WNK1: variants seen among roughly 807,000 people sequenced by gnomAD.
The protein encoded by WNK1 is serine/threonine-protein kinase WNK1.
In WNK1, 38 loss-of-function variants were observed where a neutral mutation model predicts 222.8. The observed-to-expected ratio is 0.17, with a 90% CI of 0.13 to 0.22. The LOEUF is 0.22. Among genes scored for constraint, WNK1 ranks in the 10% least tolerant of loss-of-function variants. The probability of loss-of-function intolerance (pLI) is 1.00; values close to 1 mark genes in which losing one functional copy is unlikely to be tolerated. For synonymous variants in WNK1, 1,090 were observed against 1,092.9 expected (o/e 1.00, Z 0.05); for missense variants, 2,348 against 2,918.4 (o/e 0.80, Z 4.50).
intron 8 of WNK1, 82 bp downstream of exon 8, chr12:862,352 A>C (rs1951283477): frequency 7.0e-7 from 1 of 1,426,034 alleles, no homozygotes; most frequent in African/African-American, 1.4e-5. Flanking sequence ...TGTACAAACC[A>C]AGTAACAGTA....
At chr12:786,851 C>T (rs1243285982) in intron 1 of WNK1, among the ~76,000 whole-genome samples, 1 of 151,836 alleles carries the variant, frequency 6.6e-6, no homozygotes, top group African/African-American at 2.4e-5. Flanking sequence ...AAGCCTGTTC[C>T]ACAGGTTTTT....
chr12:868,262 C>T (rs1285963153), intron 8 of WNK1: 1 of 1,600,930 alleles, frequency 6.2e-7, no homozygotes, highest in South Asian at 1.1e-5. Context: ...CTATTTTATT[C>T]CTCAGGAAGC....
intron 1 of WNK1, among the ~76,000 whole-genome samples, chr12:797,979 C>A (rs1413602464): frequency 1.3e-5 from 2 of 151,398 alleles, no homozygotes; most frequent in Non-Finnish European, 2.9e-5. Flanking sequence ...ACTGTCTAAC[C>A]TCTATTCTAT....
At chr12:805,204 T>G (rs749183959) in intron 1 of WNK1, among the ~76,000 whole-genome samples, 3 of 152,116 alleles carry the variant, frequency 2.0e-5, no homozygotes, top group Non-Finnish European at 4.4e-5. Flanking sequence ...ACTATCGTGC[T>G]CTTTTCCACA....
chr12:875,372 A>T (rs915664019), intron 9 of WNK1, among the ~76,000 whole-genome samples: 6 of 152,210 alleles, frequency 3.9e-5, no homozygotes, highest in African/African-American at 1.4e-4. Context: ...ACAACAACAA[A>T]CCAAAAAAGG....
chr12:781,263 A>G (rs1176794832), intron 1 of WNK1: 1 of 154,202 alleles, frequency 6.5e-6, no homozygotes, highest in East Asian at 1.8e-4. Context: ...GGAAGAATGA[A>G]AAACTGCTTT....
At chr12:834,763 T>C (rs1565495075) in intron 4 of WNK1, among the ~76,000 whole-genome samples, 1 of 152,178 alleles carries the variant, frequency 6.6e-6, no homozygotes, top group African/African-American at 2.4e-5. Flanking sequence ...GTCTATGAAA[T>C]ATGAGTTGTC....
Position 864,110 on chromosome 12 carries a change from G to GTTTTTTTTTTTTTTTTTTTTTTT in WNK1, c.2139+1857_2139+1858insTTTTTTTTTTTTTTTTTTTTTTT, listed in dbSNP as rs372936466. On this transcript the variant is annotated intron_variant, in intron 8 of 27. Coordinates refer to ENST00000315939, the MANE Select transcript of WNK1 (RefSeq NM_018979.4). ...ACCCTGTGCCTGAACATTTTTTTAAGTTTTTTTTTTTTTTTTTGACAGCGT... is the reference window on the plus strand; with the variant it reads ...ACCCTGTGCCTGAACATTTTTTTAAGTTTTTTTTTTTTTTTTTTTTTTTTTTTTTTTTTTTTTTTTGACAGCGT... Among the ~76,000 whole-genome samples the GTTTTTTTTTTTTTTTTTTTTTTT allele has an allele frequency of 1.0e-3, 124 of 124,570 alleles. 6 individuals carry two copies. Among genetic ancestry groups the GTTTTTTTTTTTTTTTTTTTTTTT allele is most frequent in the African/African-American group, 3.5e-3 (117 of 33,124 alleles). The allele number at this position is 124,570 out of a possible 152,430, so 81.7% of individuals were successfully genotyped here. A position where few individuals can be genotyped will look rare whatever the true frequency, so the allele number is the denominator to read the frequency against.
intron 26 of WNK1, among the ~76,000 whole-genome samples, chr12:905,849 T>A (rs563285363): frequency 3.9e-5 from 6 of 152,306 alleles, no homozygotes; most frequent in South Asian, 2.1e-4. Context: ...AATCCCCTTG[T>A]GGCTCCAGCA....
At chr12:806,978 ATCT>A (rs1488999533) in intron 1 of WNK1, among the ~76,000 whole-genome samples, 3 of 152,144 alleles carry the variant, frequency 2.0e-5, no homozygotes, top group African/African-American at 7.2e-5. Flanking sequence ...GACTCTTCAA[ATCT>A]TCTCGCTGGG....
At chr12:864,549 C>G (rs1049894262) in intron 8 of WNK1, among the ~76,000 whole-genome samples, 1 of 151,994 alleles carries the variant, frequency 6.6e-6, no homozygotes, top group Non-Finnish European at 1.5e-5. Context: ...ACTTTTTTAC[C>G]TTTACAAATA....
Position 878,370 on chromosome 12 carries a change from T to TC in WNK1, c.2373+9_2373+10insC. ...TATCAGCTGGAAAACAGGTAAACTT[T>TC]TTTTTTTTTTTTAAACAGGTAAACT... On this transcript the variant is annotated intron_variant, in intron 10 of 27. Coordinates refer to ENST00000315939, the MANE Select transcript of WNK1 (RefSeq NM_018979.4). The TC allele has an allele frequency of 6.2e-7, 1 of 1,600,702 alleles. No individual in the cohort carries two copies. The highest frequency in any genetic ancestry group is 8.6e-7 in the Non-Finnish European group (1 of 1,169,292).
At chr12:876,886 C>T (rs189138127) in intron 9 of WNK1, among the ~76,000 whole-genome samples, 3 of 152,098 alleles carry the variant, frequency 2.0e-5, no homozygotes. Context: ...GAAGGTTATG[C>T]ACCAAACGAC....
chr12:910,122 A>C lies in WNK1; in HGVS notation c.*1330A>C, dbSNP rs1955980434. Reference sequence around the variant, plus strand: ...GTGACCTAGAAGAAACTGAACATAAAGAGAAGGGGGTGGGGGGCTAGTTTT... The same window carrying C: ...GTGACCTAGAAGAAACTGAACATAACGAGAAGGGGGTGGGGGGCTAGTTTT... On this transcript the variant is annotated 3_prime_UTR_variant, in exon 28 of 28. Transcript: ENST00000315939. 1 of 149,598 alleles carries C rather than the reference A, an allele frequency of 6.7e-6. No homozygotes were observed. The highest frequency in any genetic ancestry group is 1.5e-5 in the Non-Finnish European group (1 of 67,438). 9.3% of individuals were successfully genotyped at this position (149,598 alleles called of 1,614,324 possible). A position where few individuals can be genotyped will look rare whatever the true frequency, so the allele number is the denominator to read the frequency against.
chr12:829,954 G>A (rs767680747), intron 3 of WNK1, 49 bp from the exon 4 acceptor site: 13 of 1,608,708 alleles, frequency 8.1e-6, no homozygotes, highest in South Asian at 3.3e-5. Context: ...GGTGAGTAAC[G>A]TCTGAAGCTT....
At chr12:874,772 G>A (rs1325780653) in intron 9 of WNK1, among the ~76,000 whole-genome samples, 1 of 152,124 alleles carries the variant, frequency 6.6e-6, no homozygotes, top group African/African-American at 2.4e-5. Flanking sequence ...GGAAAGCTGA[G>A]ATCTGGAGAA....
At chr12:870,394 T>C (rs909741252) in intron 8 of WNK1, among the ~76,000 whole-genome samples, 2 of 152,218 alleles carry the variant, frequency 1.3e-5, no homozygotes, top group African/African-American at 2.4e-5. Context: ...AATCAATATT[T>C]ATAATAGTTA....
intron 1 of WNK1, among the ~76,000 whole-genome samples, 180 bp downstream of exon 1, chr12:754,504 GA>G (rs1477139850): frequency 7.9e-5 from 12 of 152,222 alleles, no homozygotes; most frequent in Non-Finnish European, 1.8e-4. Flanking sequence ...TAGGTGTTGG[GA>G]TAGGATAAGA....
Position 907,742 on chromosome 12 carries a change from C to G in WNK1, c.6644-105C>G, listed in dbSNP as rs937662721. The stretch of plus-strand genomic sequence containing the variant: ...CTTGCATGGCTTCCCAGTTCATCCT[C>G]TTCTCATTCTGTGGCTTGCCATTCA... On this transcript the variant is annotated intron_variant, in intron 26 of 27. Transcript: ENST00000315939. 5 of 1,342,700 alleles carry G rather than the reference C, an allele frequency of 3.7e-6. No homozygotes were observed. In the African/African-American group the frequency reaches 4.3e-5, roughly 12 times the overall value. The allele number at this position is 1,342,700 out of a possible 1,614,324, so 83.2% of individuals were successfully genotyped here.
Sources: gnomAD v4.1 joint callset for allele counts (sites outside exome capture counted in the v4.1 genomes callset) on GRCh38, gnomAD v4.1.1 for gene constraint, MANE v1.5 for transcripts, NCBI Gene and HGNC (gene_info 2026-07-23, HGNC 2026-07-21) for gene names.